PHF6: variants seen among roughly 807,000 people sequenced by gnomAD.
The protein encoded by PHF6 is PHD-like zinc finger protein.
Under a neutral mutation model 34.0 loss-of-function variants are expected in PHF6, and 7 were observed. The ratio of observed to expected loss-of-function variants is 0.21; its 90% CI spans 0.12 to 0.39. The LOEUF (loss-of-function observed/expected upper bound fraction) is 0.39. PHF6 is among the 10% of genes least tolerant of loss of function. PHF6 has a pLI of 1.00. For synonymous variants in PHF6, 89 were observed against 88.4 expected, an observed-to-expected ratio of 1.01 and a Z score of -0.04; for missense variants, 128 against 262.8, an observed-to-expected ratio of 0.49 and a Z score of 3.55.
rs2077505945 is a variant in PHF6, at chrX:134,425,880, C to G, written c.*220C>G. On this transcript the variant is annotated 3_prime_UTR_variant, in exon 11 of 11. Transcript: ENST00000370803. ...ATTACGTAGCTATAGTTTGCAGTTTCTGGGAAGCAATTGAAACACTATTAA... is the reference window on the plus strand; with the variant it reads ...ATTACGTAGCTATAGTTTGCAGTTTGTGGGAAGCAATTGAAACACTATTAA... The G allele has an allele frequency of 5.8e-6, 1 of 172,415 alleles. No homozygotes were observed. The highest frequency in any genetic ancestry group is 7.4e-5 in the Admixed American group (1 of 13,483). 14.2% of individuals were successfully genotyped at this position (172,415 alleles called of 1,213,427 possible).
chrX:134,417,356 A>G (rs1349472588), intron 9 of PHF6, 54 bp downstream of exon 9: 1 of 1,124,015 alleles, frequency 8.9e-7, no homozygotes, highest in Non-Finnish European at 1.2e-6. Context: ...CCGTCCTTAA[A>G]TAGATGACAT....
intron 8 of PHF6, 64 bp downstream of exon 8, chrX:134,415,184 C>T (rs973523242): frequency 8.3e-7 from 1 of 1,206,856 alleles, no homozygotes; most frequent in Non-Finnish European, 1.1e-6. Flanking sequence ...ATTTAGAGTA[C>T]ATCCCAAATT....
intron 3 of PHF6, among the ~76,000 whole-genome samples, chrX:134,379,075 C>T (rs1459480042): frequency 2.7e-5 from 3 of 112,084 alleles, no homozygotes; most frequent in Non-Finnish European, 5.6e-5. Flanking sequence ...TACTAAATAA[C>T]CTCTTATTTC....
chrX:134,388,404 T>C (rs2077340494), intron 3 of PHF6, among the ~76,000 whole-genome samples: 1 of 111,920 alleles, frequency 8.9e-6, no homozygotes. Context: ...CCAAGAGCTT[T>C]TGGCATTTTT....
Position 134,415,111 on chromosome X carries a change from A to T in PHF6, c.825A>T (p.Gly275=). The change falls in exon 8 of 11, where the codon GGA becomes GGT. Residue 275 remains glycine (G), a synonymous_variant. Coordinates refer to ENST00000370803, the MANE Select transcript of PHF6 (RefSeq NM_001015877.2). ...CTGTACTTCAGGAGATTAAACGAGG[A>T]AAAAGAATGGTCTGTAGTTTTTATA... ...IKTVLQEIKR[G]KRMKCTLCSQ... 1 of 1,207,365 alleles carries T rather than the reference A, an allele frequency of 8.3e-7. No individual in the cohort carries two copies. Among genetic ancestry groups the T allele is most frequent in the Non-Finnish European group, 1.1e-6 (1 of 891,629 alleles).
rs756442098 is a variant in PHF6, at chrX:134,403,499, TA to T, written c.418+9550del. Among the ~76,000 whole-genome samples, 39 of 112,326 alleles carry T rather than the reference TA, an allele frequency of 3.5e-4. No individual in the cohort carries two copies. The South Asian group carries it at 0.012, about 34-fold the overall frequency. On this transcript the variant is annotated intron_variant, in intron 5 of 10. Coordinates refer to ENST00000370803, the MANE Select transcript of PHF6 (RefSeq NM_001015877.2). ...TTAAGGAAAGAAGTCTCCATAACAA[TA>T]AAGGTGCAAGGTGAAAGCAGCAAGT...
intron 9 of PHF6, among the ~76,000 whole-genome samples, chrX:134,422,495 T>C (rs1030191800): frequency 2.4e-4 from 27 of 111,228 alleles, no homozygotes; most frequent in African/African-American, 8.5e-4. Context: ...GGTGGGTAGT[T>C]TGGGGAGAGA....
intron 5 of PHF6, among the ~76,000 whole-genome samples, chrX:134,413,090 T>G (rs765902485): frequency 8.9e-6 from 1 of 112,041 alleles, no homozygotes; most frequent in Non-Finnish European, 1.9e-5. Flanking sequence ...TTAATTTTAT[T>G]TAATTATAAC....
chrX:134,404,265 A>C (rs1301223527), intron 5 of PHF6, among the ~76,000 whole-genome samples: 2 of 111,821 alleles, frequency 1.8e-5, no homozygotes, highest in Admixed American at 1.9e-4. Flanking sequence ...GTTTATTCCA[A>C]CCCTCACGGA....
chrX:134,426,276 C>A lies in PHF6; in HGVS notation c.*616C>A, dbSNP rs2077507282. On this transcript the variant is annotated 3_prime_UTR_variant, in exon 11 of 11. Coordinates refer to ENST00000370803, the MANE Select transcript of PHF6 (RefSeq NM_001015877.2). Reference sequence around the variant, plus strand: ...GCAACTGGTAATGATAAGCTATGAGCTCCAGTGCTTTTGCCAAAATTCTCT... The same window carrying A: ...GCAACTGGTAATGATAAGCTATGAGATCCAGTGCTTTTGCCAAAATTCTCT... The A allele has an allele frequency of 6.1e-6, 1 of 163,211 alleles. No homozygotes were observed. Among genetic ancestry groups the A allele is most frequent in the South Asian group, 3.1e-4 (1 of 3,261 alleles). 13.5% of individuals were successfully genotyped at this position (163,211 alleles called of 1,213,427 possible). A position where few individuals can be genotyped will look rare whatever the true frequency, so the allele number is the denominator to read the frequency against.
intron 9 of PHF6, among the ~76,000 whole-genome samples, chrX:134,420,688 G>GCT (rs1293507117): frequency 3.6e-5 from 4 of 110,742 alleles, no homozygotes; most frequent in Non-Finnish European, 3.8e-5. Context: ...GACCTCCTGG[G>GCT]CTCAGGTGAT....
At chrX:134,386,430 T>TTA (rs397895513) in intron 3 of PHF6, among the ~76,000 whole-genome samples, 1 of 108,202 alleles carries the variant, frequency 9.2e-6, no homozygotes, top group Non-Finnish European at 1.9e-5. Context: ...TTTTTTTTTT[T>TTA]AGACTGAGTC....
chrX:134,415,475 G>A (rs1264405180), intron 8 of PHF6, among the ~76,000 whole-genome samples: 3 of 111,761 alleles, frequency 2.7e-5, no homozygotes, highest in Non-Finnish European at 5.7e-5. Context: ...AGGGCTTTCT[G>A]TTTAAAGAAC....
intron 3 of PHF6, among the ~76,000 whole-genome samples, chrX:134,390,977 C>CTTTTTTTTTT (rs1216287733): frequency 1.4e-5 from 1 of 71,495 alleles, no homozygotes; most frequent in Non-Finnish European, 2.7e-5. Context: ...TTTTTTTTTT[C>CTTTTTTTTTT]TTTTTTTTTT....
At chrX:134,400,122 A>T (rs1038711700) in intron 5 of PHF6, among the ~76,000 whole-genome samples, 17 of 111,431 alleles carry the variant, frequency 1.5e-4, no homozygotes, top group African/African-American at 5.2e-4. Flanking sequence ...TCTATCACGC[A>T]GGCTGGAATC....
chrX:134,405,213 C>CT (rs978386641), intron 5 of PHF6, among the ~76,000 whole-genome samples: 3 of 111,374 alleles, frequency 2.7e-5, no homozygotes, highest in Middle Eastern at 4.2e-3. Context: ...ACTCCATATT[C>CT]TTTTTTTGTT....
intron 3 of PHF6, among the ~76,000 whole-genome samples, chrX:134,392,812 T>G (rs1015714511): frequency 2.7e-5 from 3 of 110,569 alleles, no homozygotes; most frequent in African/African-American, 9.9e-5. Flanking sequence ...TTTTTTTTTT[T>G]TTTTTTAGAC....
Position 134,406,062 on chromosome X carries a change from T to TTTCTTTC in PHF6, c.419-7427_419-7426insCTTTCTT, listed in dbSNP as rs2077422140. ...CAATCTTAATGCCTGTCCTTTTTCT[T>TTTCTTTC]TTTCTTTCTTTCTTTCTTTCTTTCT... On this transcript the variant is annotated intron_variant, in intron 5 of 10. Coordinates refer to ENST00000370803, the MANE Select transcript of PHF6 (RefSeq NM_001015877.2). Among the ~76,000 whole-genome samples, 531 of 78,060 alleles carry TTTCTTTC rather than the reference T, an allele frequency of 6.8e-3. 2 individuals are homozygous for TTTCTTTC. The highest frequency in any genetic ancestry group is 0.015 in the South Asian group (20 of 1,345). The allele number at this position is 78,060 out of a possible 115,157, so 67.8% of individuals were successfully genotyped here. A position where few individuals can be genotyped will look rare whatever the true frequency, so the allele number is the denominator to read the frequency against.
rs1452575057 is a variant in PHF6 at position 134,428,145 on chromosome X, T to C, written c.*2485T>C. On this transcript the variant is annotated 3_prime_UTR_variant, in exon 11 of 11. Coordinates refer to ENST00000370803, the MANE Select transcript of PHF6 (RefSeq NM_001015877.2). ...TCTTTTTTTGTTTTGTTTTTTGTTA[T>C]TGATATTAAACAGTGTAATCTTTGC... is the stretch of plus-strand genomic sequence containing the variant. The C allele has an allele frequency of 6.5e-6, 1 of 154,824 alleles. No homozygotes were observed. Among genetic ancestry groups the C allele is most frequent in the Non-Finnish European group, 1.3e-5 (1 of 79,469 alleles). 12.8% of individuals were successfully genotyped at this position (154,824 alleles called of 1,213,427 possible).
Sources: allele counts gnomAD v4.1 joint callset (sites outside exome capture counted in the v4.1 genomes callset), GRCh38; gene constraint gnomAD v4.1.1; transcripts MANE v1.5; gene names NCBI Gene and HGNC (gene_info 2026-07-23, HGNC 2026-07-21).